ATF7IP2: variants seen among roughly 807,000 people sequenced by gnomAD.
The protein encoded by ATF7IP2 is activating transcription factor 7-interacting protein 2.
Under a neutral mutation model 64.2 loss-of-function variants are expected in ATF7IP2, and 42 were observed. That is an observed-to-expected ratio of 0.65 (90% CI 0.51 to 0.85). The LOEUF (loss-of-function observed/expected upper bound fraction) is 0.85. Among genes scored for constraint, ATF7IP2 ranks in the 40% least tolerant of loss-of-function variants. The probability of loss-of-function intolerance (pLI) is 0.00; values close to 1 mark genes in which losing one functional copy is unlikely to be tolerated. For synonymous variants in ATF7IP2, 308 were observed against 272.8 expected, an observed-to-expected ratio of 1.13 and a Z score of -1.27; for missense variants, 933 against 784.2, an observed-to-expected ratio of 1.19 and a Z score of -2.27.
intron 1 of ATF7IP2, among the ~76,000 whole-genome samples, chr16:10,405,127 C>T (rs1473613891): frequency 6.6e-6 from 1 of 151,780 alleles, no homozygotes; most frequent in South Asian, 2.1e-4. Context: ...CTTTGGGAGG[C>T]TGAGATGGAT....
chr16:10,430,585 T>C, intron 4 of ATF7IP2, 26 bp from the exon 5 acceptor site: 1 of 1,453,528 alleles, frequency 6.9e-7, no homozygotes, highest in Non-Finnish European at 9.4e-7. Flanking sequence ...GAGAAATGCA[T>C]TTAAATATGA....
intron 1 of ATF7IP2, among the ~76,000 whole-genome samples, chr16:10,409,352 T>G (rs575793187): frequency 4.1e-4 from 62 of 152,270 alleles, no homozygotes; most frequent in African/African-American, 1.4e-3. Flanking sequence ...ACAAGAAAGT[T>G]GAGTTTGAGA....
chr16:10,460,183 A>G (rs1374701375), intron 9 of ATF7IP2, among the ~76,000 whole-genome samples: 1 of 152,216 alleles, frequency 6.6e-6, no homozygotes, highest in Non-Finnish European at 1.5e-5. Flanking sequence ...ACACCATTAT[A>G]GAAGCCCCAA....
At chr16:10,429,496 T>A (rs1467902980) in intron 4 of ATF7IP2, among the ~76,000 whole-genome samples, 1 of 152,012 alleles carries the variant, frequency 6.6e-6, no homozygotes, top group African/African-American at 2.4e-5. Context: ...ATTACAGGCA[T>A]GTGCCAGCAT....
chr16:10,416,074 T>C (rs2047869174), intron 2 of ATF7IP2, among the ~76,000 whole-genome samples: 1 of 152,160 alleles, frequency 6.6e-6, no homozygotes, highest in South Asian at 2.1e-4. Flanking sequence ...AGAGCTACCA[T>C]GCAATCCAGC....
chr16:10,462,485 T>C (rs2049408163), intron 9 of ATF7IP2, among the ~76,000 whole-genome samples: 1 of 152,186 alleles, frequency 6.6e-6, no homozygotes, highest in South Asian at 2.1e-4. Flanking sequence ...AATTAGAGGT[T>C]GGCAGTTATT....
intron 3 of ATF7IP2, among the ~76,000 whole-genome samples, chr16:10,426,855 G>T (rs113834660): frequency 0.018 from 2,738 of 151,660 alleles, 74 homozygotes; most frequent in African/African-American, 0.062. Flanking sequence ...GTTTTTTTTT[G>T]TTGTTGTTTT....
chr16:10,447,383 G>A (rs1045061923), intron 8 of ATF7IP2: 1 of 152,150 alleles, frequency 6.6e-6, no homozygotes, highest in Non-Finnish European at 1.5e-5. Context: ...CCTCCCAGAA[G>A]ATGACCGGAG....
chr16:10,391,231 G>A (rs1179064089), intron 1 of ATF7IP2, among the ~76,000 whole-genome samples: 1 of 151,822 alleles, frequency 6.6e-6, no homozygotes, highest in Admixed American at 6.6e-5. Context: ...TGAGGTGGGT[G>A]GATTGCTGGA....
chr16:10,421,304 G>C (rs1182908789), intron 3 of ATF7IP2, among the ~76,000 whole-genome samples: 1 of 152,128 alleles, frequency 6.6e-6, no homozygotes, highest in Non-Finnish European at 1.5e-5. Flanking sequence ...GAAATCTAGA[G>C]TCTTCTCTGG....
chr16:10,419,214 A>G (rs552691088), intron 2 of ATF7IP2, among the ~76,000 whole-genome samples: 2 of 152,240 alleles, frequency 1.3e-5, no homozygotes, highest in African/African-American at 4.8e-5. Context: ...GAATGATTAC[A>G]TCCAGGCATT....
chr16:10,466,487 C>G (rs567370960), intron 9 of ATF7IP2, among the ~76,000 whole-genome samples: 1 of 152,094 alleles, frequency 6.6e-6, no homozygotes, highest in Admixed American at 6.6e-5. Flanking sequence ...TATACTCCCA[C>G]TATAAGTACA....
At chr16:10,414,377 T>A (rs1350354009) in intron 1 of ATF7IP2, among the ~76,000 whole-genome samples, 197 bp from the exon 2 acceptor site, 1 of 152,082 alleles carries the variant, frequency 6.6e-6, no homozygotes, top group African/African-American at 2.4e-5. Context: ...TGAGACTTTC[T>A]AGAGCATTTT....
chr16:10,474,575 G>A (rs1017607172), intron 12 of ATF7IP2, among the ~76,000 whole-genome samples: 5 of 152,066 alleles, frequency 3.3e-5, no homozygotes, highest in African/African-American at 1.2e-4. Flanking sequence ...AGTGTCTGTC[G>A]TCTTTCACAG....
rs370672105 is a variant in ATF7IP2, at chr16:10,415,635, C to T, written c.-203+1023C>T. Among the ~76,000 whole-genome samples, 30 of 152,208 alleles carry T rather than the reference C, an allele frequency of 2.0e-4. No homozygotes were observed. In the East Asian group the frequency reaches 4.6e-3, roughly 23 times the overall value. ...TGGATCACTTCAAGTTAAGCTTCTG[C>T]ACAGCAAAGGAAACAATCTACAAAG... On this transcript the variant is annotated intron_variant, in intron 2 of 13. Transcript: ENST00000562102.
At chr16:10,387,237 A>G (rs1336170991) in intron 1 of ATF7IP2, 2 of 152,268 alleles carry the variant, frequency 1.3e-5, no homozygotes, top group Non-Finnish European at 2.9e-5. Flanking sequence ...TTGAAAATGC[A>G]AAAATGAAGC....
intron 12 of ATF7IP2, among the ~76,000 whole-genome samples, chr16:10,479,266 G>C (rs1178043725): frequency 6.6e-6 from 1 of 150,752 alleles, no homozygotes; most frequent in Non-Finnish European, 1.5e-5. Context: ...GTCCAACAAT[G>C]ATAGACTGGA....
intron 9 of ATF7IP2, among the ~76,000 whole-genome samples, chr16:10,460,065 TAA>T (rs2049322671): frequency 6.6e-6 from 1 of 152,144 alleles, no homozygotes; most frequent in Non-Finnish European, 1.5e-5. Flanking sequence ...TTAAAATTAA[TAA>T]GAGTAAAACA....
chr16:10,478,746 ATCTAC>A (rs1417776984), intron 12 of ATF7IP2, among the ~76,000 whole-genome samples: 2 of 152,240 alleles, frequency 1.3e-5, no homozygotes, highest in African/African-American at 4.8e-5. Flanking sequence ...AATTTTCGCA[ATCTAC>A]TCATCTGACA....
Sources: allele counts gnomAD v4.1 joint callset (sites outside exome capture counted in the v4.1 genomes callset), GRCh38; gene constraint gnomAD v4.1.1; transcripts MANE v1.5; gene names NCBI Gene and HGNC (gene_info 2026-07-23, HGNC 2026-07-21).